Variants in SLC8A1 observed in about 807,000 individuals in gnomAD.
SLC8A1 encodes sodium/calcium exchanger 1.
In SLC8A1, 18 loss-of-function variants were observed where a neutral mutation model predicts 68.3. The ratio of observed to expected loss-of-function variants is 0.26; its 90% CI spans 0.18 to 0.39. The LOEUF is 0.39. Among genes scored for constraint, SLC8A1 ranks in the 10% least tolerant of loss-of-function variants. The probability of loss-of-function intolerance (pLI) is 1.00; values close to 1 mark genes in which losing one functional copy is unlikely to be tolerated. For synonymous variants in SLC8A1, 475 were observed against 415.5 expected (o/e 1.14, Z -1.74); for missense variants, 985 against 1,156.7 (o/e 0.85, Z 2.15).
At chr2:40,193,387 C>T (rs1361074969) in intron 2 of SLC8A1, among the ~76,000 whole-genome samples, 1 of 152,102 alleles carries the variant, frequency 6.6e-6, no homozygotes, top group Non-Finnish European at 1.5e-5. Flanking sequence ...TACGAATTCA[C>T]AGCTTAGAGA....
intron 2 of SLC8A1, among the ~76,000 whole-genome samples, chr2:40,230,614 T>C (rs553175808): frequency 2.6e-5 from 4 of 152,198 alleles, no homozygotes; most frequent in African/African-American, 9.7e-5. Flanking sequence ...AATGCTACTA[T>C]GTGATCAGTT....
intron 4 of SLC8A1, among the ~76,000 whole-genome samples, chr2:40,167,194 A>G (rs1159457302): frequency 3.3e-5 from 5 of 152,202 alleles, no homozygotes; most frequent in African/African-American, 9.6e-5. Flanking sequence ...AGTCCTTCTG[A>G]TCAGGAAGAA....
chr2:40,450,924 C>T (rs975091065), intron 1 of SLC8A1, among the ~76,000 whole-genome samples: 2 of 152,084 alleles, frequency 1.3e-5, no homozygotes, highest in Non-Finnish European at 2.9e-5. Flanking sequence ...ATACAAATTG[C>T]CAGCCCAAGC....
chr2:40,369,270 A>G (rs986667754), intron 2 of SLC8A1, among the ~76,000 whole-genome samples: 10 of 152,052 alleles, frequency 6.6e-5, no homozygotes, highest in Admixed American at 6.6e-4. Context: ...ATAGGAGAAA[A>G]TTTTTGCAAA....
chr2:40,274,071 G>T (rs772676975), intron 2 of SLC8A1, among the ~76,000 whole-genome samples: 4 of 151,260 alleles, frequency 2.6e-5, no homozygotes, highest in Non-Finnish European at 5.9e-5. Flanking sequence ...ACTGCTTTTA[G>T]ATCATTTCAT....
intron 2 of SLC8A1, among the ~76,000 whole-genome samples, chr2:40,351,335 C>A (rs1671016982): frequency 6.6e-6 from 1 of 152,096 alleles, no homozygotes; most frequent in African/African-American, 2.4e-5. Context: ...CACTCCTCAC[C>A]TACTTTCCCA....
At chr2:40,422,170 C>T (rs923693183) in intron 2 of SLC8A1, among the ~76,000 whole-genome samples, 1 of 152,130 alleles carries the variant, frequency 6.6e-6, no homozygotes, top group Non-Finnish European at 1.5e-5. Context: ...TTTCCTGCCA[C>T]CTGGCCCAGA....
At chr2:40,480,847 G>A (rs965784095) in intron 1 of SLC8A1, among the ~76,000 whole-genome samples, 1 of 152,168 alleles carries the variant, frequency 6.6e-6, no homozygotes, top group East Asian at 1.9e-4. Context: ...CACTGCATCA[G>A]TTGAGACCAG....
chr2:40,410,455 A>G (rs1457400653), intron 2 of SLC8A1, among the ~76,000 whole-genome samples: 2 of 152,158 alleles, frequency 1.3e-5, no homozygotes, highest in Admixed American at 6.6e-5. Context: ...TGAGTACTAC[A>G]GGAAAGAAGA....
chr2:40,295,966 G>T (rs1559132830), intron 2 of SLC8A1, among the ~76,000 whole-genome samples: 1 of 152,136 alleles, frequency 6.6e-6, no homozygotes, highest in African/African-American at 2.4e-5. Context: ...GGTGTTGGTG[G>T]TATAGAGAGA....
intron 7 of SLC8A1, chr2:40,116,783 A>G (rs546700612): frequency 7.4e-4 from 113 of 152,296 alleles, no homozygotes; most frequent in African/African-American, 2.5e-3. Context: ...AAAGCCCTTT[A>G]TTTACTCATA....
At chr2:40,144,636 AGATAC>A (rs1191653036) in intron 6 of SLC8A1, among the ~76,000 whole-genome samples, 1 of 151,872 alleles carries the variant, frequency 6.6e-6, no homozygotes, top group Non-Finnish European at 1.5e-5. Flanking sequence ...AATACTTTCT[AGATAC>A]GATTTTTGGG....
chr2:40,492,227 A>G (rs944468874), intron 1 of SLC8A1, among the ~76,000 whole-genome samples: 1 of 152,180 alleles, frequency 6.6e-6, no homozygotes, highest in Non-Finnish European at 1.5e-5. Flanking sequence ...AAACCTGAGA[A>G]AAACAAGCAA....
chr2:40,240,457 G>A (rs908616241), intron 2 of SLC8A1, among the ~76,000 whole-genome samples: 8 of 152,104 alleles, frequency 5.3e-5, no homozygotes, highest in Non-Finnish European at 1.0e-4. Context: ...GACATTATTT[G>A]GATTGGTTAA....
intron 2 of SLC8A1, among the ~76,000 whole-genome samples, chr2:40,273,369 A>G (rs991282245): frequency 6.6e-6 from 1 of 152,130 alleles, no homozygotes. Flanking sequence ...CTGGGATTAC[A>G]GGCACTAGCC....
intron 2 of SLC8A1, among the ~76,000 whole-genome samples, chr2:40,278,786 A>G (rs2149175145): frequency 6.6e-6 from 1 of 152,204 alleles, no homozygotes; most frequent in South Asian, 2.1e-4. Context: ...GCCACAATGA[A>G]AAAAACAGAA....
intron 1 of SLC8A1, among the ~76,000 whole-genome samples, chr2:40,502,542 T>C (rs1284586722): frequency 6.6e-6 from 1 of 152,064 alleles, no homozygotes; most frequent in South Asian, 2.1e-4. Context: ...ACTAAACATA[T>C]ACTTTATCTC....
In SLC8A1 at chr2:40,458,483, C is replaced by T. The variant is rs190921586; in HGVS notation, c.-24-28179G>A. Among the ~76,000 whole-genome samples the T allele has an allele frequency of 8.8e-5, 13 of 147,214 alleles. No individual in the cohort carries two copies. The East Asian group carries it at 2.2e-3, about 25-fold the overall frequency. On this transcript the variant is annotated intron_variant, in intron 1 of 7. Coordinates refer to the SLC8A1 transcript ENST00000402441. Reference sequence around the variant, plus strand: ...CTGGTGTAGATGGAAAGAAGGATTCCGGTGATAGGGTAAACTCTTTGGCCT... The same window carrying T: ...CTGGTGTAGATGGAAAGAAGGATTCTGGTGATAGGGTAAACTCTTTGGCCT...
At chr2:40,441,633 C>A (rs1700504817) in intron 1 of SLC8A1, among the ~76,000 whole-genome samples, 1 of 152,082 alleles carries the variant, frequency 6.6e-6, no homozygotes, top group Non-Finnish European at 1.5e-5. Flanking sequence ...ACCATCTGAT[C>A]TTCTACAAAC....
Sources: allele counts gnomAD v4.1 joint callset (sites outside exome capture counted in the v4.1 genomes callset), GRCh38; gene constraint gnomAD v4.1.1; transcripts MANE v1.5; gene names NCBI Gene and HGNC (gene_info 2026-07-23, HGNC 2026-07-21).